NRG3: variants seen among roughly 807,000 people sequenced by gnomAD.
The protein encoded by NRG3 is pro-neuregulin-3, membrane-bound isoform.
NRG3 carries 31 observed loss-of-function variants against 66.9 expected under a neutral mutation model. That is an observed-to-expected ratio of 0.46 (90% CI 0.35 to 0.63). The LOEUF is 0.63. Ranked by LOEUF, NRG3 falls within the 20% of genes least tolerant of loss-of-function variation. The pLI, the probability that NRG3 is intolerant of heterozygous loss-of-function variation, is 0.00. For missense variants in NRG3, 910 were observed against 878.9 expected (o/e 1.04, Z -0.45); for synonymous variants, 393 against 359.4 (o/e 1.09, Z -1.06).
At chr10:82,426,312 G>A (rs1035141123) in intron 2 of NRG3, among the ~76,000 whole-genome samples, 7 of 152,062 alleles carry the variant, frequency 4.6e-5, no homozygotes, top group African/African-American at 1.4e-4. Flanking sequence ...TATAGTCCAC[G>A]CTCAGTCTCC....
At chr10:82,843,521 A>G (rs752524629) in intron 3 of NRG3, among the ~76,000 whole-genome samples, 2 of 152,240 alleles carry the variant, frequency 1.3e-5, no homozygotes, top group Non-Finnish European at 2.9e-5. Context: ...ACAGTAATGA[A>G]AAAGGAAAAT....
At position 82,322,860 on chromosome 10, in the gene NRG3, T is replaced by G. The variant is rs539754533; in HGVS notation, c.824-35879T>G. The stretch of plus-strand genomic sequence containing the variant: ...GTCATTTACATTTGATGCTATTTGA[T>G]ATGATAACATTTGCTATGTGAACAG... On this transcript the variant is annotated intron_variant, in intron 1 of 8. Transcript: ENST00000372141. Among the ~76,000 whole-genome samples the G allele has an allele frequency of 2.6e-5, 4 of 152,334 alleles. No individual in the cohort carries two copies. In the East Asian group the frequency reaches 5.8e-4, roughly 22 times the overall value.
chr10:82,350,620 A>T (rs929903576), intron 1 of NRG3, among the ~76,000 whole-genome samples: 26 of 152,204 alleles, frequency 1.7e-4, no homozygotes, highest in African/African-American at 5.8e-4. Flanking sequence ...TTTGTTAGAG[A>T]CATACATGTA....
chr10:81,938,378 T>TTG (rs199882196), intron 1 of NRG3, among the ~76,000 whole-genome samples: 44 of 126,446 alleles, frequency 3.5e-4, no homozygotes, highest in South Asian at 7.8e-4. Flanking sequence ...TGCCATTTAT[T>TTG]TGTGTGTGTG....
intron 2 of NRG3, among the ~76,000 whole-genome samples, chr10:82,658,418 T>A (rs1382865369): frequency 1.3e-5 from 2 of 152,168 alleles, no homozygotes; most frequent in African/African-American, 4.8e-5. Context: ...AAATGGCATT[T>A]ATGAAAAATC....
chr10:82,579,832 G>GA (rs1293479709), intron 2 of NRG3, among the ~76,000 whole-genome samples: 1 of 151,796 alleles, frequency 6.6e-6, no homozygotes, highest in Non-Finnish European at 1.5e-5. Context: ...TAATCATTGG[G>GA]AAAAAATCTT....
At chr10:82,722,481 G>A (rs1009802943) in intron 2 of NRG3, among the ~76,000 whole-genome samples, 10 of 152,108 alleles carry the variant, frequency 6.6e-5, no homozygotes, top group Non-Finnish European at 1.2e-4. Flanking sequence ...ATCTTATATT[G>A]CATCATCATT....
At chr10:82,329,494 G>T in intron 1 of NRG3, among the ~76,000 whole-genome samples, 1 of 150,354 alleles carries the variant, frequency 6.7e-6, no homozygotes, top group African/African-American at 2.4e-5. Context: ...ACATTTCAGG[G>T]GCACATGCCT....
At chr10:82,787,182 C>T (rs749145016) in intron 3 of NRG3, among the ~76,000 whole-genome samples, 3 of 152,188 alleles carry the variant, frequency 2.0e-5, no homozygotes, top group Admixed American at 1.3e-4. Flanking sequence ...CTCTCTCTTA[C>T]ACTCAAAACT....
Position 82,159,821 on chromosome 10 carries a change from C to G in NRG3, c.824-198918C>G, listed in dbSNP as rs1309491604. ...TAAAAATACAAATAAGAAGAAGTCA[C>G]TCTTCTAAAGGAACTTGAAAAGGAA... On this transcript the variant is annotated intron_variant, in intron 1 of 8. Transcript: ENST00000372141. Among the ~76,000 whole-genome samples the G allele has an allele frequency of 2.6e-5, 4 of 151,820 alleles. No homozygotes were observed. The East Asian group carries it at 7.7e-4, about 29-fold the overall frequency.
intron 2 of NRG3, among the ~76,000 whole-genome samples, chr10:82,716,316 C>G (rs1479857861): frequency 6.6e-6 from 1 of 152,140 alleles, no homozygotes; most frequent in African/African-American, 2.4e-5. Flanking sequence ...CATATCTCAT[C>G]TATATAGACA....
At chr10:82,866,696 T>C (rs894537432) in intron 4 of NRG3, among the ~76,000 whole-genome samples, 3 of 152,192 alleles carry the variant, frequency 2.0e-5, no homozygotes, top group South Asian at 2.1e-4. Context: ...AATGACCGTT[T>C]CAATGAAATC....
chr10:82,928,046 T>A (rs983565087), intron 4 of NRG3, among the ~76,000 whole-genome samples: 2 of 152,242 alleles, frequency 1.3e-5, no homozygotes, highest in Admixed American at 6.5e-5. Context: ...CTAACTGGTA[T>A]GAGATTGTAT....
chr10:82,193,918 A>C (rs2074306989), intron 1 of NRG3, among the ~76,000 whole-genome samples: 1 of 152,186 alleles, frequency 6.6e-6, no homozygotes, highest in Non-Finnish European at 1.5e-5. Context: ...CATCAGGAAC[A>C]GAAAACAGAA....
chr10:82,943,719 T>C, intron 4 of NRG3, among the ~76,000 whole-genome samples: 1 of 152,150 alleles, frequency 6.6e-6, no homozygotes, highest in Non-Finnish European at 1.5e-5. Context: ...TCTGAAAACA[T>C]CTACACAGAC....
chr10:82,874,243 T>C (rs952556025), intron 4 of NRG3, among the ~76,000 whole-genome samples: 9 of 152,066 alleles, frequency 5.9e-5, no homozygotes, highest in African/African-American at 2.2e-4. Context: ...GTTTAGATGA[T>C]AGGAAGTGGG....
Position 81,938,243 on chromosome 10 carries a change from TAAAA to T in NRG3, c.823+62087_823+62090del, listed in dbSNP as rs540047963. On this transcript the variant is annotated intron_variant, in intron 1 of 8. Transcript: ENST00000372141. ...TTAGATGTCATAAGAATTTTGAAATTAAAAAAAAAATTTCTGCAAAATGCCATTT... is the reference window on the plus strand; with the variant it reads ...TTAGATGTCATAAGAATTTTGAAATTAAAAAATTTCTGCAAAATGCCATTT... 2.2e-3 allele frequency among the ~76,000 whole-genome samples: 338 copies of T among 150,720 alleles called. 1 individual carries two copies. The highest frequency in any genetic ancestry group is 8.0e-3 in the African/African-American group (328 of 41,190).
At chr10:82,282,248 ACATTTATTTATTTATTT>A (rs1343913695) in intron 1 of NRG3, among the ~76,000 whole-genome samples, 3 of 123,254 alleles carry the variant, frequency 2.4e-5, no homozygotes, top group African/African-American at 1.0e-4. Context: ...TGAAAACATT[ACATTTATTTATTTATTT>A]ATTTATTTAT....
chr10:82,791,056 G>A (rs2132375), intron 3 of NRG3, among the ~76,000 whole-genome samples: 14,950 of 151,814 alleles, frequency 0.098, 842 homozygotes, highest in Middle Eastern at 0.16. Flanking sequence ...ATGTTTAACT[G>A]ACTTAAAGTT....
Sources: allele counts gnomAD v4.1 joint callset (sites outside exome capture counted in the v4.1 genomes callset), GRCh38; gene constraint gnomAD v4.1.1; transcripts MANE v1.5; gene names NCBI Gene and HGNC (gene_info 2026-07-23, HGNC 2026-07-21).